Variants in PCCA observed in about 807,000 individuals in gnomAD.
PCCA encodes the protein propionyl-CoA carboxylase subunit alpha, also known as propionyl-CoA carboxylase alpha chain, mitochondrial.
Under a neutral mutation model 101.3 loss-of-function variants are expected in PCCA, and 74 were observed. The observed-to-expected ratio is 0.73, with a 90% CI of 0.61 to 0.89. PCCA has a LOEUF of 0.89. PCCA is among the 40% of genes least tolerant of loss of function. The pLI is 0.00. For missense variants in PCCA, 891 were observed against 907.0 expected (o/e 0.98, Z 0.23); for synonymous variants, 294 against 313.6 (o/e 0.94, Z 0.66).
intron 20 of PCCA, among the ~76,000 whole-genome samples, chr13:100,446,760 G>A (rs1423321891): frequency 6.6e-6 from 1 of 152,210 alleles, no homozygotes; most frequent in East Asian, 1.9e-4. Flanking sequence ...AAACAGATAA[G>A]TGAAAACGAG....
chr13:100,348,947 CT>C (rs147728646), intron 18 of PCCA, among the ~76,000 whole-genome samples: 35 of 39,378 alleles, frequency 8.9e-4, no homozygotes, highest in Admixed American at 1.2e-3. Flanking sequence ...TCTTTTCTTT[CT>C]TTTCTTTCTT....
intron 21 of PCCA, among the ~76,000 whole-genome samples, chr13:100,456,256 T>C (rs1042077676): frequency 6.6e-6 from 1 of 152,196 alleles, no homozygotes; most frequent in South Asian, 2.1e-4. Flanking sequence ...CTCTATGACA[T>C]GGGACTGCAA....
At chr13:100,336,110 A>G (rs539142248) in intron 17 of PCCA, among the ~76,000 whole-genome samples, 2 of 152,258 alleles carry the variant, frequency 1.3e-5, no homozygotes, top group Admixed American at 6.5e-5. Flanking sequence ...TAAAAATACA[A>G]AATTAGCCGG....
intron 19 of PCCA, among the ~76,000 whole-genome samples, chr13:100,406,180 C>G (rs1424859058): frequency 6.6e-6 from 1 of 152,166 alleles, no homozygotes; most frequent in East Asian, 1.9e-4. Context: ...AGTCAAGATT[C>G]ACTCCTTTCA....
chr13:100,123,937 T>C (rs970791639), intron 4 of PCCA, among the ~76,000 whole-genome samples: 2 of 152,082 alleles, frequency 1.3e-5, no homozygotes, highest in Non-Finnish European at 2.9e-5. Flanking sequence ...ATATAAGGAA[T>C]GAGAAATGTT....
At chr13:100,271,434 C>CT (rs2152575454) in intron 11 of PCCA, among the ~76,000 whole-genome samples, 2 of 152,004 alleles carry the variant, frequency 1.3e-5, no homozygotes, top group African/African-American at 4.8e-5. Context: ...GGCTCTGAGT[C>CT]TAACTAGCAA....
rs75029184 is a variant in PCCA, at chr13:100,170,539, C to T, written c.468+13199C>T. On this transcript the variant is annotated intron_variant, in intron 6 of 23. Transcript: ENST00000376285. ...CATAATATGTGATATGCTAATGTTC[C>T]AAGCACAGAGTATTCTTTTCTGTAT... 1.9e-3 allele frequency among the ~76,000 whole-genome samples: 291 copies of T among 152,288 alleles called. 9 individuals carry two copies. The East Asian group carries it at 0.054, about 28-fold the overall frequency.
intron 11 of PCCA, among the ~76,000 whole-genome samples, chr13:100,271,182 T>C (rs373814602): frequency 2.0e-5 from 3 of 152,348 alleles, no homozygotes; most frequent in African/African-American, 7.2e-5. Context: ...ATTCTCCAGA[T>C]GTTATGCTAT....
At chr13:100,430,454 G>C (rs2079468625) in intron 20 of PCCA, among the ~76,000 whole-genome samples, 1 of 152,108 alleles carries the variant, frequency 6.6e-6, no homozygotes, top group Non-Finnish European at 1.5e-5. Context: ...TTGTTGAGCT[G>C]CTCTTGTTTT....
chr13:100,507,779 C>T (rs984548489), intron 21 of PCCA, among the ~76,000 whole-genome samples: 6 of 151,710 alleles, frequency 4.0e-5, no homozygotes, highest in Non-Finnish European at 7.3e-5. Flanking sequence ...GCCTCAGCCT[C>T]CCGAGCAGCT....
At chr13:100,179,487 G>A (rs746390268) in intron 6 of PCCA, among the ~76,000 whole-genome samples, 1 of 152,088 alleles carries the variant, frequency 6.6e-6, no homozygotes. Flanking sequence ...TGGTAGACCC[G>A]CTTGTTAATC....
chr13:100,308,443 G>A (rs1191241432), intron 15 of PCCA, among the ~76,000 whole-genome samples: 1 of 152,070 alleles, frequency 6.6e-6, no homozygotes. Flanking sequence ...ACCTGCCTTA[G>A]CCACCCAAGT....
chr13:100,446,846 A>G (rs2080868050), intron 20 of PCCA, among the ~76,000 whole-genome samples: 1 of 152,246 alleles, frequency 6.6e-6, no homozygotes, highest in African/African-American at 2.4e-5. Context: ...ATAATTTTTT[A>G]CAAGGCTTAT....
intron 18 of PCCA, among the ~76,000 whole-genome samples, chr13:100,358,961 G>A (rs2074246932): frequency 6.6e-6 from 1 of 152,132 alleles, no homozygotes; most frequent in South Asian, 2.1e-4. Flanking sequence ...GCCAGGTGTG[G>A]TGGTGCACGC....
chr13:100,500,385 G>T (rs969025298), intron 21 of PCCA, among the ~76,000 whole-genome samples: 1 of 152,060 alleles, frequency 6.6e-6, no homozygotes, highest in African/African-American at 2.4e-5. Context: ...TTCTTTTCAA[G>T]GAATTTATAC....
chr13:100,467,669 A>G (rs2082642210), intron 21 of PCCA, among the ~76,000 whole-genome samples: 1 of 152,162 alleles, frequency 6.6e-6, no homozygotes, highest in Non-Finnish European at 1.5e-5. Context: ...CGCGCCTGGC[A>G]TCAAGTTTGA....
At chr13:100,422,840 C>G (rs910527287) in intron 19 of PCCA, among the ~76,000 whole-genome samples, 1 of 151,338 alleles carries the variant, frequency 6.6e-6, no homozygotes, top group Non-Finnish European at 1.5e-5. Context: ...CTTCTTTGAA[C>G]CTTTGTTTTT....
At chr13:100,222,717 T>G (rs1481987842) in intron 7 of PCCA, among the ~76,000 whole-genome samples, 1 of 152,246 alleles carries the variant, frequency 6.6e-6, no homozygotes, top group Non-Finnish European at 1.5e-5. Context: ...TCTTTAAAAT[T>G]AGTCTACAGT....
At chr13:100,482,739 C>T (rs2084047442) in intron 21 of PCCA, among the ~76,000 whole-genome samples, 1 of 152,148 alleles carries the variant, frequency 6.6e-6, no homozygotes, top group African/African-American at 2.4e-5. Context: ...CAGGTGCATG[C>T]CACGGGTGCA....
Sources: gnomAD v4.1 joint callset for allele counts (sites outside exome capture counted in the v4.1 genomes callset) on GRCh38, gnomAD v4.1.1 for gene constraint, MANE v1.5 for transcripts, NCBI Gene and HGNC (gene_info 2026-07-23, HGNC 2026-07-21) for gene names.